Variants in NRXN1 observed in about 807,000 individuals in gnomAD.
The protein encoded by NRXN1 is neurexin-1.
NRXN1 carries 39 observed loss-of-function variants against 150.9 expected under a neutral mutation model. The observed-to-expected ratio is 0.26, with a 90% CI of 0.20 to 0.34. The LOEUF is 0.34. Among genes scored for constraint, NRXN1 ranks in the 10% least tolerant of loss-of-function variants. The pLI is 1.00. For missense variants in NRXN1, 1,815 were observed against 1,949.9 expected, an observed-to-expected ratio of 0.93 and a Z score of 1.30; for synonymous variants, 924 against 757.0, an observed-to-expected ratio of 1.22 and a Z score of -3.62.
chr2:50,909,119 G>C (rs570668164), intron 5 of NRXN1, among the ~76,000 whole-genome samples: 3 of 151,998 alleles, frequency 2.0e-5, no homozygotes, highest in Admixed American at 1.3e-4. Context: ...ATTGAAAACA[G>C]AGCACAGCAC....
At chr2:50,582,027 A>C (rs936101151) in intron 8 of NRXN1, among the ~76,000 whole-genome samples, 1 of 152,154 alleles carries the variant, frequency 6.6e-6, no homozygotes, top group Non-Finnish European at 1.5e-5. Flanking sequence ...ATAAATAGTC[A>C]TAAATTAGTG....
chr2:50,264,164 A>G (rs570334082), intron 17 of NRXN1, among the ~76,000 whole-genome samples: 2 of 152,272 alleles, frequency 1.3e-5, no homozygotes, highest in East Asian at 3.9e-4. Flanking sequence ...TAAACATTTA[A>G]ATTAGTTTTT....
At chr2:50,401,774 T>C (rs1343794277) in intron 17 of NRXN1, among the ~76,000 whole-genome samples, 1 of 152,162 alleles carries the variant, frequency 6.6e-6, no homozygotes, top group Non-Finnish European at 1.5e-5. Context: ...AACAAAACAA[T>C]TCATTTAAAA....
chr2:50,136,984 G>C (rs1461542105), intron 18 of NRXN1, among the ~76,000 whole-genome samples: 1 of 152,048 alleles, frequency 6.6e-6, no homozygotes, highest in East Asian at 1.9e-4. Context: ...TTTCTAATTT[G>C]GGTTAAGTAA....
At chr2:50,529,881 AT>A (rs1238031801) in intron 11 of NRXN1, among the ~76,000 whole-genome samples, 1 of 152,192 alleles carries the variant, frequency 6.6e-6, no homozygotes, top group Admixed American at 6.5e-5. Context: ...TAACCTTAAT[AT>A]TTAACTTAAT....
Position 50,950,243 on chromosome 2 carries a change from T to C in NRXN1, c.773-24288A>G, listed in dbSNP as rs544163806. 5.9e-5 allele frequency among the ~76,000 whole-genome samples: 9 copies of C among 152,232 alleles called. 1 individual carries two copies. In the South Asian group the frequency reaches 1.2e-3, roughly 21 times the overall value. On this transcript the variant is annotated intron_variant, in intron 2 of 22. Coordinates refer to ENST00000401669, the MANE Select transcript of NRXN1 (RefSeq NM_001330078.2). ...GTATTAGCTTCATAAATACTTCAAG[T>C]AGGAAAACTATACAGAAGGGAAAAT... is the stretch of plus-strand genomic sequence containing the variant.
At chr2:50,210,820 T>G (rs1471105032) in intron 18 of NRXN1, among the ~76,000 whole-genome samples, 2 of 151,472 alleles carry the variant, frequency 1.3e-5, no homozygotes, top group African/African-American at 2.4e-5. Flanking sequence ...TATATATTAT[T>G]ATATGTTTAT....
intron 17 of NRXN1, among the ~76,000 whole-genome samples, chr2:50,315,928 C>T (rs1373292874): frequency 1.3e-5 from 2 of 151,916 alleles, no homozygotes; most frequent in Non-Finnish European, 2.9e-5. Flanking sequence ...TAAAGAATTT[C>T]GGGAATTCAA....
intron 5 of NRXN1, among the ~76,000 whole-genome samples, chr2:50,894,096 G>C (rs1296623407): frequency 1.3e-5 from 2 of 151,876 alleles, no homozygotes; most frequent in South Asian, 2.1e-4. Flanking sequence ...TTGTGGGTTG[G>C]GGGGAGGGGG....
intron 17 of NRXN1, among the ~76,000 whole-genome samples, chr2:50,374,561 T>C (rs4971667): frequency 0.57 from 85,860 of 151,826 alleles, 26,534 homozygotes; most frequent in East Asian, 0.92. Context: ...TCCACTGAAG[T>C]TACTATTATC....
At chr2:50,345,948 T>C (rs1299900872) in intron 17 of NRXN1, among the ~76,000 whole-genome samples, 1 of 152,198 alleles carries the variant, frequency 6.6e-6, no homozygotes, top group South Asian at 2.1e-4. Context: ...AGCCTCTCTC[T>C]GTTCCATTTA....
At chr2:50,832,191 G>A (rs965975060) in intron 5 of NRXN1, among the ~76,000 whole-genome samples, 12 of 152,066 alleles carry the variant, frequency 7.9e-5, no homozygotes, top group African/African-American at 9.7e-5. Flanking sequence ...AAAGAGGGAT[G>A]GGCATATATG....
intron 8 of NRXN1, among the ~76,000 whole-genome samples, chr2:50,603,741 G>A (rs940464019): frequency 6.6e-6 from 1 of 152,096 alleles, no homozygotes; most frequent in Non-Finnish European, 1.5e-5. Flanking sequence ...GGGACCTTAA[G>A]GTACACAGAG....
At position 50,472,438 on chromosome 2, in the gene NRXN1, G is replaced by A. The variant is rs1361933734; in HGVS notation, c.3104C>T (p.Thr1035Ile). 7.4e-6 allele frequency: 12 copies of A among 1,611,900 alleles called. No homozygotes were observed. Among genetic ancestry groups the A allele is most frequent in the Non-Finnish European group, 9.3e-6 (11 of 1,178,688 alleles). The change falls in exon 16 of 23, where the codon ACA becomes ATA. Residue 1035 changes from threonine (T) to isoleucine (I), a missense_variant. By Grantham distance (89) the Thr-to-Ile change is moderately conservative (BLOSUM62 -1). Coordinates refer to ENST00000401669, the MANE Select transcript of NRXN1 (RefSeq NM_001330078.2). ...DLYIGGVAKE[T>I]YKSLPKLVHA... is the part of the protein sequence containing the mutation. The stretch of plus-strand genomic sequence containing the variant: ...TACAAGTTTTGGTAAGGATTTGTAT[G>A]TTTCTTTAGCTACTCCTCCTATATA...
At chr2:50,119,494 C>T (rs761276936) in intron 18 of NRXN1, among the ~76,000 whole-genome samples, 5 of 150,436 alleles carry the variant, frequency 3.3e-5, no homozygotes, top group Admixed American at 1.3e-4. Flanking sequence ...TAAAGCCCCG[C>T]GGCAGGGATT....
intron 5 of NRXN1, among the ~76,000 whole-genome samples, chr2:50,639,155 C>T (rs189816473): frequency 1.3e-3 from 205 of 151,932 alleles, no homozygotes; most frequent in Non-Finnish European, 2.2e-3. Flanking sequence ...GCTTTATGAC[C>T]CTATATCCTG....
chr2:51,031,688 GGA>G (rs1202712911), intron 1 of NRXN1, among the ~76,000 whole-genome samples: 1 of 152,032 alleles, frequency 6.6e-6, no homozygotes, highest in East Asian at 1.9e-4. Flanking sequence ...GGAAATATAT[GGA>G]GAGATATTTT....
At chr2:50,067,591 A>G (rs1179024243) in intron 19 of NRXN1, among the ~76,000 whole-genome samples, 1 of 152,234 alleles carries the variant, frequency 6.6e-6, no homozygotes, top group Non-Finnish European at 1.5e-5. Flanking sequence ...GATAAATTAA[A>G]GGTCATACTC....
At chr2:50,483,338 G>T (rs933308456) in intron 15 of NRXN1, among the ~76,000 whole-genome samples, 3 of 152,012 alleles carry the variant, frequency 2.0e-5, no homozygotes, top group African/African-American at 4.8e-5. Flanking sequence ...ATATAATAAA[G>T]AAAAAACTAT....
Sources: allele counts gnomAD v4.1 joint callset (sites outside exome capture counted in the v4.1 genomes callset), GRCh38; gene constraint gnomAD v4.1.1; transcripts MANE v1.5; gene names NCBI Gene and HGNC (gene_info 2026-07-23, HGNC 2026-07-21).